Variants in RFTN2 observed in about 807,000 individuals in gnomAD.
RFTN2 encodes the protein raftlin family member 2.
Under a neutral mutation model 52.7 loss-of-function variants are expected in RFTN2, and 34 were observed. That is an observed-to-expected ratio of 0.64 (90% CI 0.49 to 0.86). RFTN2 has a LOEUF of 0.86. Among genes scored for constraint, RFTN2 ranks in the 40% least tolerant of loss-of-function variants. The pLI, the probability that RFTN2 is intolerant of heterozygous loss-of-function variation, is 0.00. For missense variants in RFTN2, 536 were observed against 600.1 expected (o/e 0.89, Z 1.12); for synonymous variants, 203 against 217.7 (o/e 0.93, Z 0.59).
At chr2:197,592,774 C>A (rs1404854666) in intron 8 of RFTN2, among the ~76,000 whole-genome samples, 1 of 152,158 alleles carries the variant, frequency 6.6e-6, no homozygotes, top group Non-Finnish European at 1.5e-5. Flanking sequence ...TTTTTCAAGG[C>A]ATATTGTAAA....
At chr2:197,597,218 T>A (rs2087806190) in intron 7 of RFTN2, among the ~76,000 whole-genome samples, 1 of 152,232 alleles carries the variant, frequency 6.6e-6, no homozygotes, top group Admixed American at 6.5e-5. Context: ...TTCTTTTTTA[T>A]TTTTGAAAGG....
chr2:197,615,554 G>A (rs1398402939), intron 7 of RFTN2, among the ~76,000 whole-genome samples: 1 of 150,664 alleles, frequency 6.6e-6, no homozygotes, highest in Non-Finnish European at 1.5e-5. Flanking sequence ...CATGTGCCAA[G>A]GGGAACTAAC....
At chr2:197,574,870 A>AAAAC (rs79026014) in intron 8 of RFTN2, among the ~76,000 whole-genome samples, 2,911 of 150,604 alleles carry the variant, frequency 0.019, 39 homozygotes, top group Middle Eastern at 0.037. Context: ...CTCCATCTCA[A>AAAAC]AAACAAACAA....
intron 8 of RFTN2, among the ~76,000 whole-genome samples, chr2:197,574,506 G>A (rs374990552): frequency 4.0e-5 from 6 of 150,440 alleles, no homozygotes; most frequent in African/African-American, 1.5e-4. Flanking sequence ...AGGGTCATAG[G>A]CAGAAGGGAC....
At chr2:197,634,494 G>C (rs1006340544) in intron 3 of RFTN2, among the ~76,000 whole-genome samples, 13 of 151,964 alleles carry the variant, frequency 8.6e-5, no homozygotes, top group South Asian at 2.1e-4. Flanking sequence ...CGAATGTGTA[G>C]GTATAAAGCA....
intron 1 of RFTN2, among the ~76,000 whole-genome samples, chr2:197,668,471 G>A (rs1039473605): frequency 6.6e-6 from 1 of 152,080 alleles, no homozygotes; most frequent in Non-Finnish European, 1.5e-5. Context: ...CTTGTGCCTC[G>A]GCCTCTGCTG....
At chr2:197,619,865 CTT>C (rs560114395) in intron 5 of RFTN2, among the ~76,000 whole-genome samples, 68 of 139,122 alleles carry the variant, frequency 4.9e-4, no homozygotes, top group Middle Eastern at 3.6e-3. Flanking sequence ...AAGAGCAACA[CTT>C]TTTTTTTTTT....
At chr2:197,650,040 C>T (rs2088803462) in intron 1 of RFTN2, among the ~76,000 whole-genome samples, 1 of 152,004 alleles carries the variant, frequency 6.6e-6, no homozygotes, top group South Asian at 2.1e-4. Flanking sequence ...CTGAACTGTA[C>T]ACTTACTAAT....
intron 7 of RFTN2, among the ~76,000 whole-genome samples, chr2:197,609,453 A>G (rs1054221207): frequency 1.3e-5 from 2 of 152,152 alleles, no homozygotes; most frequent in African/African-American, 4.8e-5. Flanking sequence ...GTCTGTTCAT[A>G]TCCTTCACCC....
At chr2:197,636,721 T>C (rs1221963030) in intron 3 of RFTN2, among the ~76,000 whole-genome samples, 1 of 150,896 alleles carries the variant, frequency 6.6e-6, no homozygotes, top group Non-Finnish European at 1.5e-5. Context: ...CCTAATTGAA[T>C]ACCCTTTATT....
chr2:197,667,136 A>G (rs1391641698), intron 1 of RFTN2, among the ~76,000 whole-genome samples: 3 of 152,002 alleles, frequency 2.0e-5, no homozygotes, highest in African/African-American at 7.3e-5. Context: ...ATGTGCCACC[A>G]TGTCCAGCTA....
At chr2:197,674,389 T>C (rs1320808328) in intron 1 of RFTN2, among the ~76,000 whole-genome samples, 1 of 85,810 alleles carries the variant, frequency 1.2e-5, no homozygotes, top group East Asian at 3.4e-4. Flanking sequence ...AAACAAAAAA[T>C]TTGGAAAAAA....
chr2:197,601,581 G>C (rs1324882335), intron 7 of RFTN2, among the ~76,000 whole-genome samples: 2 of 152,046 alleles, frequency 1.3e-5, no homozygotes, highest in Admixed American at 1.3e-4. Context: ...AATGTAGAGT[G>C]ACTACATTTG....
intron 1 of RFTN2, among the ~76,000 whole-genome samples, chr2:197,648,905 A>G (rs1211455704): frequency 1.3e-5 from 2 of 152,186 alleles, no homozygotes; most frequent in African/African-American, 2.4e-5. Context: ...TGTGCTTATC[A>G]GATTGTATTA....
At chr2:197,636,931 TGA>T (rs1191481901) in intron 3 of RFTN2, among the ~76,000 whole-genome samples, 6 of 152,174 alleles carry the variant, frequency 3.9e-5, no homozygotes, top group African/African-American at 1.4e-4. Context: ...CCTAATTTAT[TGA>T]GAGTTTTTAG....
chr2:197,633,146 T>C (rs1303124463), intron 4 of RFTN2, among the ~76,000 whole-genome samples: 1 of 152,210 alleles, frequency 6.6e-6, no homozygotes, highest in Non-Finnish European at 1.5e-5. Flanking sequence ...TAAAATACTC[T>C]CAGTTTCTTT....
At chr2:197,662,389 G>A (rs1488984326) in intron 1 of RFTN2, among the ~76,000 whole-genome samples, 1 of 152,136 alleles carries the variant, frequency 6.6e-6, no homozygotes, top group Non-Finnish European at 1.5e-5. Flanking sequence ...TTTCCCCAGT[G>A]TATGCTCTTG....
At chr2:197,637,381 T>C (rs2088585916) in intron 3 of RFTN2, among the ~76,000 whole-genome samples, 2 of 152,246 alleles carry the variant, frequency 1.3e-5, no homozygotes, top group East Asian at 3.9e-4. Context: ...GGACTCTTTT[T>C]GGTTGGTAAG....
At chr2:197,660,742 A>G (rs1455096567) in intron 1 of RFTN2, among the ~76,000 whole-genome samples, 1 of 151,976 alleles carries the variant, frequency 6.6e-6, no homozygotes, top group Non-Finnish European at 1.5e-5. Context: ...TATTTTTAGT[A>G]GAGACAGGGT....
Sources: allele counts gnomAD v4.1 joint callset (sites outside exome capture counted in the v4.1 genomes callset), GRCh38; gene constraint gnomAD v4.1.1; transcripts MANE v1.5; gene names NCBI Gene and HGNC (gene_info 2026-07-23, HGNC 2026-07-21).